CNTN4: variants seen among roughly 807,000 people sequenced by gnomAD.
The protein encoded by CNTN4 is contactin-4.
A neutral mutation model predicts 122.5 loss-of-function variants in CNTN4; 77 were observed. The observed-to-expected ratio is 0.63, with a 90% CI of 0.52 to 0.76. CNTN4 has a LOEUF of 0.76. Ranked by LOEUF, CNTN4 falls within the 30% of genes least tolerant of loss-of-function variation. CNTN4 has a pLI of 0.00. For synonymous variants in CNTN4, 512 were observed against 447.0 expected, an observed-to-expected ratio of 1.15 and a Z score of -1.83; for missense variants, 1,256 against 1,259.1, an observed-to-expected ratio of 1.00 and a Z score of 0.04.
At chr3:2,254,899 A>T (rs1192359828) in intron 2 of CNTN4, among the ~76,000 whole-genome samples, 1 of 152,058 alleles carries the variant, frequency 6.6e-6, no homozygotes, top group Non-Finnish European at 1.5e-5. Context: ...ATTAGATCCC[A>T]TTTGTCCATC....
intron 2 of CNTN4, among the ~76,000 whole-genome samples, chr3:2,318,043 T>C (rs1395005768): frequency 1.3e-5 from 2 of 152,098 alleles, no homozygotes; most frequent in East Asian, 3.9e-4. Context: ...TGATTTGATA[T>C]GTTAAAACGA....
rs753979733 is a variant in CNTN4, at chr3:2,736,303, C to G, written c.144C>G (p.Leu48=). Residue 48 remains leucine (L), a synonymous_variant, in exon 5 of 25, where the codon CTC becomes CTG. Transcript: ENST00000418658. The part of the protein sequence containing the change: ...PLDSEEKKVK[L]NCEVKGNPKP... ...ATTCTGAGGAGAAAAAAGTGAAGCTCAATTGTGAAGTTAAAGGAAATCCAA... is the reference window on the plus strand; with the variant it reads ...ATTCTGAGGAGAAAAAAGTGAAGCTGAATTGTGAAGTTAAAGGAAATCCAA... 2 of 1,613,566 alleles carry G rather than the reference C, an allele frequency of 1.2e-6. No individual in the cohort carries two copies. The highest frequency in any genetic ancestry group is 1.7e-6 in the Non-Finnish European group (2 of 1,179,770).
intron 2 of CNTN4, among the ~76,000 whole-genome samples, chr3:2,328,490 G>A (rs188698326): frequency 3.9e-5 from 6 of 152,222 alleles, no homozygotes; most frequent in East Asian, 3.9e-4. Flanking sequence ...TAAAACTTAC[G>A]TTAAATTAAT....
chr3:2,438,381 G>A (rs966993343), intron 3 of CNTN4, among the ~76,000 whole-genome samples: 2 of 152,122 alleles, frequency 1.3e-5, no homozygotes, highest in East Asian at 1.9e-4. Flanking sequence ...AATTAGCCAG[G>A]CATGGCGGTG....
At chr3:2,885,725 A>T (rs1175313290) in intron 9 of CNTN4, among the ~76,000 whole-genome samples, 1 of 152,204 alleles carries the variant, frequency 6.6e-6, no homozygotes, top group African/African-American at 2.4e-5. Flanking sequence ...GTGGGTTAAG[A>T]ATTCAGGCAG....
At chr3:2,723,059 A>C (rs189972312) in intron 4 of CNTN4, among the ~76,000 whole-genome samples, 29 of 152,318 alleles carry the variant, frequency 1.9e-4, no homozygotes, top group African/African-American at 7.0e-4. Flanking sequence ...AAAATAGATT[A>C]TCTCTCTTCC....
rs1008667588 is a variant in CNTN4 at position 2,709,430 on chromosome 3, T to C, written c.56-26785T>C. 1.3e-5 allele frequency among the ~76,000 whole-genome samples: 2 copies of C among 152,020 alleles called. No individual in the cohort carries two copies. Among genetic ancestry groups the C allele is most frequent in the Non-Finnish European group, 2.9e-5 (2 of 68,008 alleles). ...CCTGTGCACCAGGGATTTTCAAAGTTCCCTCAGGTGATCATCGTGTGCAAT... is the reference window on the plus strand; with the variant it reads ...CCTGTGCACCAGGGATTTTCAAAGTCCCCTCAGGTGATCATCGTGTGCAAT... On this transcript the variant is annotated intron_variant, in intron 4 of 24. Transcript: ENST00000418658. This position sits in a 1 kb window ranked among gnomAD's most constrained non-coding sequence, Gnocchi z 5.0.
chr3:2,431,224 C>G (rs2048058705), intron 3 of CNTN4, among the ~76,000 whole-genome samples: 1 of 152,118 alleles, frequency 6.6e-6, no homozygotes, highest in African/African-American at 2.4e-5. Context: ...AATATTATAA[C>G]CCCATTAAAA....
At chr3:2,331,873 G>C (rs139825958) in intron 2 of CNTN4, among the ~76,000 whole-genome samples, 2 of 152,114 alleles carry the variant, frequency 1.3e-5, no homozygotes, top group Non-Finnish European at 2.9e-5. Flanking sequence ...TAGTTTTCCT[G>C]CCCAGTCCCC....
chr3:2,269,833 T>C (rs1027906160), intron 2 of CNTN4, among the ~76,000 whole-genome samples: 4 of 152,194 alleles, frequency 2.6e-5, no homozygotes, highest in African/African-American at 7.2e-5. Context: ...AGATAGTTTG[T>C]AGTAGAGCTT....
Position 2,759,414 on chromosome 3 carries a change from TG to T in CNTN4, c.358+13720del, listed in dbSNP as rs545158229. On this transcript the variant is annotated intron_variant, in intron 6 of 24. Transcript: ENST00000418658. ...TGCCCGCCTCGGCCTCCCAAAGTGC[TG>T]GGATTACAGCGTGAGCCACCATGCC... Among the ~76,000 whole-genome samples, 11 of 152,338 alleles carry T rather than the reference TG, an allele frequency of 7.2e-5. No homozygotes were observed. The East Asian group carries it at 1.9e-3, about 27-fold the overall frequency.
chr3:2,648,759 G>A (rs535198110), intron 4 of CNTN4, among the ~76,000 whole-genome samples: 1 of 152,178 alleles, frequency 6.6e-6, no homozygotes, highest in African/African-American at 2.4e-5. Context: ...AGAAGGAATT[G>A]ACCTTAATGA....
At chr3:2,775,902 A>G (rs559561026) in intron 6 of CNTN4, among the ~76,000 whole-genome samples, 50 of 152,328 alleles carry the variant, frequency 3.3e-4, no homozygotes, top group Admixed American at 1.1e-3. Flanking sequence ...AACACCTAGC[A>G]TTGGACCTGA....
intron 3 of CNTN4, among the ~76,000 whole-genome samples, chr3:2,391,857 T>C (rs531501231): frequency 2.0e-5 from 3 of 152,324 alleles, no homozygotes; most frequent in Non-Finnish European, 2.9e-5. Context: ...TGCATTCTAA[T>C]GTCCCATCAG....
chr3:2,855,800 G>A (rs2093612103), intron 7 of CNTN4, among the ~76,000 whole-genome samples: 1 of 152,172 alleles, frequency 6.6e-6, no homozygotes, highest in Non-Finnish European at 1.5e-5. Flanking sequence ...TTCTTGGCCA[G>A]TCAGTCATAT....
At chr3:2,840,962 G>A (rs971089197) in intron 7 of CNTN4, among the ~76,000 whole-genome samples, 1 of 152,084 alleles carries the variant, frequency 6.6e-6, no homozygotes, top group African/African-American at 2.4e-5. Context: ...GATGCTTCCT[G>A]TTTCTCTGCT....
chr3:2,611,081 A>T (rs1259599201), intron 4 of CNTN4, among the ~76,000 whole-genome samples: 2 of 152,060 alleles, frequency 1.3e-5, no homozygotes, highest in African/African-American at 4.8e-5. Flanking sequence ...GACTATTTTC[A>T]ATAGATATTG....
chr3:2,170,237 G>A (rs971819444), intron 2 of CNTN4, among the ~76,000 whole-genome samples: 14 of 151,666 alleles, frequency 9.2e-5, no homozygotes, highest in Non-Finnish European at 1.0e-4. Flanking sequence ...GGAGAATGGC[G>A]GGAACCCGGG....
chr3:2,280,930 A>G (rs920265539), intron 2 of CNTN4, among the ~76,000 whole-genome samples: 10 of 152,320 alleles, frequency 6.6e-5, no homozygotes, highest in African/African-American at 2.4e-4. Flanking sequence ...GGGATGACAG[A>G]AGCAGCCGTT....
Sources: gnomAD v4.1 joint callset for allele counts (sites outside exome capture counted in the v4.1 genomes callset) on GRCh38, gnomAD v4.1.1 for gene constraint, Gnocchi (gnomAD v3.1) non-coding constraint, MANE v1.5 for transcripts, NCBI Gene and HGNC (gene_info 2026-07-23, HGNC 2026-07-21) for gene names.